Variants in FOXO1 observed in about 807,000 individuals in gnomAD.
FOXO1 encodes the protein forkhead box protein O1.
In FOXO1, 6 loss-of-function variants were observed where a neutral mutation model predicts 44.1. The ratio of observed to expected loss-of-function variants is 0.14; its 90% CI spans 0.07 to 0.27. The LOEUF is 0.27. FOXO1 is among the 10% of genes least tolerant of loss of function. FOXO1 has a pLI of 1.00. For synonymous variants in FOXO1, 380 were observed against 362.7 expected (o/e 1.05, Z -0.54); for missense variants, 737 against 888.8 (o/e 0.83, Z 2.17).
Position 40,576,254 on chromosome 13 carries a change from G to A in FOXO1, c.631-15394C>T, listed in dbSNP as rs955290986. 4.6e-5 allele frequency among the ~76,000 whole-genome samples: 7 copies of A among 152,256 alleles called. No homozygotes were observed. The East Asian group carries it at 9.6e-4, about 21-fold the overall frequency. ...GGGAGGAGAGAGAGAGAGGAGGTAC[G>A]GTGGGTGGGGCCTTAACACAGCAGC... On this transcript the variant is annotated intron_variant, in intron 1 of 2. Coordinates refer to ENST00000379561, the MANE Select transcript of FOXO1 (RefSeq NM_002015.4).
At chr13:40,634,586 G>A (rs1316621715) in intron 1 of FOXO1, among the ~76,000 whole-genome samples, 1 of 152,170 alleles carries the variant, frequency 6.6e-6, no homozygotes, top group African/African-American at 2.4e-5. Flanking sequence ...AGGCTGTAGT[G>A]AGCCATCATC....
intron 1 of FOXO1, among the ~76,000 whole-genome samples, chr13:40,638,314 G>T (rs1877227477): frequency 6.6e-6 from 1 of 152,018 alleles, no homozygotes; most frequent in Admixed American, 6.6e-5. Context: ...TCACCATAAG[G>T]AGATAACTTA....
intron 1 of FOXO1, among the ~76,000 whole-genome samples, chr13:40,616,128 G>A (rs1876415136): frequency 6.6e-6 from 1 of 152,206 alleles, no homozygotes; most frequent in South Asian, 2.1e-4. Flanking sequence ...TGATAAACCG[G>A]ATGTGGGATA....
At chr13:40,665,102 C>T (rs974811935) in intron 1 of FOXO1, among the ~76,000 whole-genome samples, 4 of 151,706 alleles carry the variant, frequency 2.6e-5, no homozygotes, top group African/African-American at 7.3e-5. Flanking sequence ...CAGCCCGGTC[C>T]CGGGGCAGCG....
chr13:40,559,994 G>A lies in FOXO1; in HGVS notation c.1497C>T (p.Gly499=), dbSNP rs757047359. Residue 499 remains glycine, a synonymous_variant, in exon 2 of 3, where the codon GGC becomes GGT. Transcript: ENST00000379561. ...CATAGGTTGACATGACCGAATTAGG[G>A]CCCATCATGACGTTCTGGCCCAGAA... ...SRVLGQNVMM[G]PNSVMSTYGS... 6.8e-6 allele frequency: 11 copies of A among 1,613,992 alleles called. No individual in the cohort carries two copies. The highest frequency in any genetic ancestry group is 1.7e-5 in the Admixed American group (1 of 59,990).
rs141833172 is a variant in FOXO1, at chr13:40,607,769, T to C, written c.631-46909A>G. The stretch of plus-strand genomic sequence containing the variant: ...GGAGGTGCCAATAAATGAAACCTGT[T>C]ATCTACAGATAAGAAATCAAACCTC... On this transcript the variant is annotated intron_variant, in intron 1 of 2. Coordinates refer to ENST00000379561, the MANE Select transcript of FOXO1 (RefSeq NM_002015.4). 9.5e-4 allele frequency among the ~76,000 whole-genome samples: 145 copies of C among 152,382 alleles called. 2 individuals are homozygous for C. The South Asian group carries it at 0.01, about 11-fold the overall frequency.
At chr13:40,609,709 G>C (rs1048960168) in intron 1 of FOXO1, among the ~76,000 whole-genome samples, 11 of 152,016 alleles carry the variant, frequency 7.2e-5, no homozygotes, top group Non-Finnish European at 1.0e-4. Flanking sequence ...TCTTCAGGGT[G>C]GGGGGGAAAA....
chr13:40,572,998 T>C (rs1248233891), intron 1 of FOXO1, among the ~76,000 whole-genome samples: 1 of 152,188 alleles, frequency 6.6e-6, no homozygotes, highest in Non-Finnish European at 1.5e-5. Context: ...GCTGCTTTCA[T>C]TAACATACCT....
chr13:40,580,463 G>A (rs1291210996), intron 1 of FOXO1, among the ~76,000 whole-genome samples: 1 of 152,170 alleles, frequency 6.6e-6, no homozygotes, highest in East Asian at 1.9e-4. Context: ...CTTAGCAAAT[G>A]TGAGACCTTG....
intron 1 of FOXO1, among the ~76,000 whole-genome samples, chr13:40,640,142 A>G (rs897830808): frequency 1.3e-5 from 2 of 152,254 alleles, no homozygotes; most frequent in Non-Finnish European, 2.9e-5. Context: ...ACACTAAAAT[A>G]GCACAAATCC....
chr13:40,583,402 G>A (rs955389397), intron 1 of FOXO1, among the ~76,000 whole-genome samples: 2 of 152,146 alleles, frequency 1.3e-5, no homozygotes, highest in Non-Finnish European at 2.9e-5. Context: ...TTGAAGCTTG[G>A]CATTAACTTC....
intron 1 of FOXO1, among the ~76,000 whole-genome samples, chr13:40,568,150 C>T (rs1874344782): frequency 6.6e-6 from 1 of 152,144 alleles, no homozygotes; most frequent in Admixed American, 6.5e-5. Flanking sequence ...GAACTGCCCA[C>T]CACCCTGCGT....
chr13:40,659,152 T>C (rs1411287989), intron 1 of FOXO1, among the ~76,000 whole-genome samples: 2 of 150,958 alleles, frequency 1.3e-5, no homozygotes, highest in South Asian at 2.1e-4. Flanking sequence ...CTGTCTCTAC[T>C]AAAAATACAA....
intron 1 of FOXO1, among the ~76,000 whole-genome samples, chr13:40,616,807 A>G (rs1474723889): frequency 6.6e-6 from 1 of 152,146 alleles, no homozygotes; most frequent in Non-Finnish European, 1.5e-5. Context: ...TGAAAAGAAA[A>G]ACTGACACTA....
At chr13:40,617,527 G>T (rs1036130043) in intron 1 of FOXO1, among the ~76,000 whole-genome samples, 1 of 151,996 alleles carries the variant, frequency 6.6e-6, no homozygotes, top group Non-Finnish European at 1.5e-5. Flanking sequence ...CCACATTCTT[G>T]TGACCAGGTA....
chr13:40,564,124 G>A (rs1874164634), intron 1 of FOXO1, among the ~76,000 whole-genome samples: 1 of 152,076 alleles, frequency 6.6e-6, no homozygotes, highest in Non-Finnish European at 1.5e-5. Context: ...GGGGAGAGGG[G>A]GTGAAGCTCT....
In FOXO1 at chr13:40,633,930, T is replaced by C. The variant is rs149394307; in HGVS notation, c.630+31653A>G. On this transcript the variant is annotated intron_variant, in intron 1 of 2. Coordinates refer to ENST00000379561, the MANE Select transcript of FOXO1 (RefSeq NM_002015.4). ...CACCAAAGGCACACATCAGTAGAAA[T>C]GCATGCTATTCCTATTTTGCCAAGC... Among the ~76,000 whole-genome samples the C allele has an allele frequency of 2.3e-3, 344 of 152,292 alleles. 1 individual carries two copies. Among genetic ancestry groups the C allele is most frequent in the African/African-American group, 7.8e-3 (324 of 41,556 alleles).
At chr13:40,580,736 C>T (rs1874924300) in intron 1 of FOXO1, among the ~76,000 whole-genome samples, 1 of 152,184 alleles carries the variant, frequency 6.6e-6, no homozygotes, top group Admixed American at 6.5e-5. Context: ...AAGCAAAACA[C>T]ATAGAGGACA....
intron 1 of FOXO1, among the ~76,000 whole-genome samples, chr13:40,593,529 T>C (rs1875466580): frequency 6.6e-6 from 1 of 152,170 alleles, no homozygotes; most frequent in African/African-American, 2.4e-5. Flanking sequence ...CTGTAGACTG[T>C]GCTTTAAAAA....
Sources: allele counts gnomAD v4.1 joint callset (sites outside exome capture counted in the v4.1 genomes callset), GRCh38; gene constraint gnomAD v4.1.1; transcripts MANE v1.5; gene names NCBI Gene and HGNC (gene_info 2026-07-23, HGNC 2026-07-21).